Variants in CNGB3 observed in about 807,000 individuals in gnomAD.
The protein encoded by CNGB3 is cyclic nucleotide gated channel subunit beta 3.
In CNGB3, 86 loss-of-function variants were observed where a neutral mutation model predicts 92.8. The observed-to-expected ratio is 0.93, with a 90% confidence interval of 0.78 to 1.11. The LOEUF (loss-of-function observed/expected upper bound fraction) is 1.11, where lower values mean the gene tolerates loss of function less well. Ranked by LOEUF, CNGB3 falls within the 50% of genes least tolerant of loss-of-function variation. The probability of loss-of-function intolerance (pLI) is 0.00; values close to 1 mark genes in which losing one functional copy is unlikely to be tolerated. For synonymous variants in CNGB3, 333 were observed against 332.7 expected, an observed-to-expected ratio of 1.00 and a Z score of -0.01; for missense variants, 1,026 against 956.8, an observed-to-expected ratio of 1.07 and a Z score of -0.95.
intron 6 of CNGB3, chr8:86,660,724 C>A: frequency 1.9e-6 from 1 of 528,534 alleles, no homozygotes; most frequent in South Asian, 1.4e-5. Context: ...CTCCCCCATC[C>A]AATACATATC....
intron 3 of CNGB3, among the ~76,000 whole-genome samples, chr8:86,721,737 T>A (rs537275797): frequency 4.6e-5 from 7 of 152,256 alleles, no homozygotes; most frequent in African/African-American, 7.2e-5. Context: ...TTAAAAAAAA[T>A]GCTTATAAAT....
intron 3 of CNGB3, among the ~76,000 whole-genome samples, chr8:86,682,459 C>T (rs114313729): frequency 1.5e-3 from 231 of 152,224 alleles, no homozygotes; most frequent in African/African-American, 5.2e-3. Flanking sequence ...AGCAAGAGGC[C>T]AGTTTGACAG....
At chr8:86,695,562 A>T (rs918462606) in intron 3 of CNGB3, among the ~76,000 whole-genome samples, 2 of 151,730 alleles carry the variant, frequency 1.3e-5, no homozygotes, top group African/African-American at 2.4e-5. Flanking sequence ...TTTCATTCAT[A>T]TCCTCCTTTT....
At chr8:86,635,821 GATATATATATATATATATATATATAT>G (rs57486853) in intron 10 of CNGB3, among the ~76,000 whole-genome samples, 39 of 60,596 alleles carry the variant, frequency 6.4e-4, no homozygotes, top group South Asian at 5.0e-3. Flanking sequence ...TATAACACAT[GATATATATATATATATATATATATAT>G]ATATATATAT....
intron 2 of CNGB3, among the ~76,000 whole-genome samples, chr8:86,736,273 C>CA (rs1825250233): frequency 6.6e-6 from 1 of 152,122 alleles, no homozygotes; most frequent in Admixed American, 6.5e-5. Context: ...TTTTTCAAGA[C>CA]AAAATATCTT....
chr8:86,693,388 C>G (rs932120957), intron 3 of CNGB3, among the ~76,000 whole-genome samples: 5 of 150,928 alleles, frequency 3.3e-5, no homozygotes, highest in Admixed American at 3.3e-4. Context: ...TTAATGTAAT[C>G]TCAAATTTAT....
intron 15 of CNGB3, among the ~76,000 whole-genome samples, chr8:86,594,754 G>T (rs1280291111): frequency 6.6e-6 from 1 of 151,878 alleles, no homozygotes; most frequent in African/African-American, 2.4e-5. Context: ...CTGTCACCAG[G>T]CTGGAGTGCG....
intron 15 of CNGB3, among the ~76,000 whole-genome samples, chr8:86,596,621 G>A (rs1822176471): frequency 6.6e-6 from 1 of 152,178 alleles, no homozygotes; most frequent in Admixed American, 6.5e-5. Flanking sequence ...CCTAAGGGCT[G>A]GGGATAGAGT....
At chr8:86,586,484 C>G (rs112079621) in intron 15 of CNGB3, among the ~76,000 whole-genome samples, 1 of 120,046 alleles carries the variant, frequency 8.3e-6, no homozygotes, top group Non-Finnish European at 1.7e-5. Flanking sequence ...TATCCCTCCC[C>G]CCTCCCCCCA....
chr8:86,671,050 A>T lies in CNGB3; in HGVS notation c.387T>A (p.Asp129Glu). ...PAAPVINEYA[D>E]AQLHNLVKRM... Reference sequence around the variant, plus strand: ...TTTTCACCAGGTTGTGTAGCTGGGCATCGGCATACTCATTTATAACAGGAG... The same window carrying T: ...TTTTCACCAGGTTGTGTAGCTGGGCTTCGGCATACTCATTTATAACAGGAG... Residue 129 changes from aspartate (D) to glutamate (E), a missense_variant, in exon 4 of 18, where the codon GAT becomes GAA. Asp to Glu is a conservative substitution (Grantham distance 45). Coordinates refer to ENST00000320005, the MANE Select transcript of CNGB3 (RefSeq NM_019098.5). 6.2e-7 allele frequency: 1 copy of T among 1,614,016 alleles called. No individual in the cohort carries two copies. Among genetic ancestry groups the T allele is most frequent in the Non-Finnish European group, 8.5e-7 (1 of 1,180,016 alleles).
chr8:86,682,378 T>C (rs750218182), intron 3 of CNGB3, among the ~76,000 whole-genome samples: 24 of 152,318 alleles, frequency 1.6e-4, no homozygotes, highest in Middle Eastern at 3.4e-3. Flanking sequence ...GGTGGATGAA[T>C]ATCTTGGCTT....
chr8:86,731,477 G>T (rs1452287935), intron 2 of CNGB3, among the ~76,000 whole-genome samples: 1 of 152,124 alleles, frequency 6.6e-6, no homozygotes, highest in Admixed American at 6.5e-5. Flanking sequence ...AAAAGAACGT[G>T]GATCCATCTA....
At chr8:86,656,619 A>G (rs1823510008) in intron 6 of CNGB3, among the ~76,000 whole-genome samples, 1 of 152,200 alleles carries the variant, frequency 6.6e-6, no homozygotes, top group South Asian at 2.1e-4. Flanking sequence ...TTTAGGAAGG[A>G]TATGCTAATT....
At chr8:86,713,399 T>C (rs1824786862) in intron 3 of CNGB3, among the ~76,000 whole-genome samples, 1 of 152,146 alleles carries the variant, frequency 6.6e-6, no homozygotes, top group African/African-American at 2.4e-5. Flanking sequence ...ATTTGCACTT[T>C]TAAAGAGTTC....
intron 2 of CNGB3, among the ~76,000 whole-genome samples, chr8:86,739,285 T>C (rs1825298490): frequency 6.6e-6 from 1 of 152,200 alleles, no homozygotes; most frequent in African/African-American, 2.4e-5. Context: ...CATGTTAATG[T>C]CTTCATATTG....
intron 2 of CNGB3, among the ~76,000 whole-genome samples, chr8:86,739,171 G>A (rs1285053752): frequency 6.6e-6 from 1 of 152,134 alleles, no homozygotes; most frequent in East Asian, 1.9e-4. Context: ...CTGTAGAATC[G>A]AGTGTGGTAG....
chr8:86,635,821 G>GATATAT lies in CNGB3; in HGVS notation c.1179-2934_1179-2929dup, dbSNP rs57486853. On this transcript the variant is annotated intron_variant, in intron 10 of 17. Coordinates refer to ENST00000320005, the MANE Select transcript of CNGB3 (RefSeq NM_019098.5). ...ACAATGCATCAACTGTATAACACAT[G>GATATAT]ATATATATATATATATATATATATA... 4.4e-3 allele frequency among the ~76,000 whole-genome samples: 264 copies of GATATAT among 60,494 alleles called. 2 individuals carry two copies. The highest frequency in any genetic ancestry group is 0.015 in the Middle Eastern group (1 of 66). 39.7% of individuals were successfully genotyped at this position (60,494 alleles called of 152,430 possible).
At chr8:86,684,694 A>T (rs1249809331) in intron 3 of CNGB3, among the ~76,000 whole-genome samples, 2 of 151,946 alleles carry the variant, frequency 1.3e-5, no homozygotes, top group Non-Finnish European at 2.9e-5. Context: ...TGATGCACAC[A>T]CAATTTAGAA....
chr8:86,634,990 G>C (rs1246901663), intron 10 of CNGB3, among the ~76,000 whole-genome samples: 1 of 148,166 alleles, frequency 6.7e-6, no homozygotes, highest in Admixed American at 6.8e-5. Flanking sequence ...CTAGTTCCTT[G>C]TTATAGGAAC....
Sources: gnomAD v4.1 joint callset for allele counts (sites outside exome capture counted in the v4.1 genomes callset) on GRCh38, gnomAD v4.1.1 for gene constraint, MANE v1.5 for transcripts, NCBI Gene and HGNC (gene_info 2026-07-23, HGNC 2026-07-21) for gene names.